RANBP2: variants seen among roughly 807,000 people sequenced by gnomAD.
RANBP2 encodes RAN binding protein 2.
Under a neutral mutation model 303.6 loss-of-function variants are expected in RANBP2, and 57 were observed. The observed-to-expected ratio is 0.19, with a 90% CI of 0.15 to 0.23. The LOEUF is 0.23. Among genes scored for constraint, RANBP2 ranks in the 10% least tolerant of loss-of-function variants. RANBP2 has a pLI of 1.00. For missense variants in RANBP2, 3,138 were observed against 3,780.8 expected, an observed-to-expected ratio of 0.83 and a Z score of 4.46; for synonymous variants, 1,167 against 1,301.5, an observed-to-expected ratio of 0.90 and a Z score of 2.23.
the RANBP2 span, among the ~76,000 whole-genome samples, chr2:108,799,467 G>A: frequency 6.6e-6 from 1 of 152,162 alleles, no homozygotes; most frequent in Admixed American, 6.6e-5. Flanking sequence ...CTTTCCTCCA[G>A]CCTCAGCCCT....
the RANBP2 span, among the ~76,000 whole-genome samples, chr2:109,534,229 G>T: frequency 3.3e-5 from 5 of 152,114 alleles, no homozygotes; most frequent in Admixed American, 2.6e-4. Flanking sequence ...AGAAATGCCT[G>T]GTTTTCTCAG....
At chr2:108,816,128 T>C in the RANBP2 span, 3 of 1,539,086 alleles carry the variant, frequency 1.9e-6, no homozygotes, top group South Asian at 2.3e-5. Context: ...ATTTGAAATA[T>C]GTGATTCAGA....
the RANBP2 span, among the ~76,000 whole-genome samples, chr2:109,301,443 G>C: frequency 6.6e-6 from 1 of 152,126 alleles, no homozygotes; most frequent in Non-Finnish European, 1.5e-5. Flanking sequence ...CTCCTCCGGG[G>C]ATTGCTGGCC....
the RANBP2 span, among the ~76,000 whole-genome samples, chr2:109,684,935 G>T: frequency 6.6e-6 from 1 of 151,516 alleles, no homozygotes; most frequent in South Asian, 2.1e-4. Context: ...GTGCAGTGGC[G>T]CAATCTCAGC....
At chr2:109,483,379 C>T in the RANBP2 span, among the ~76,000 whole-genome samples, 3 of 152,198 alleles carry the variant, frequency 2.0e-5, no homozygotes, top group African/African-American at 4.8e-5. Context: ...AGGTTCCAGC[C>T]TCACTCACTG....
chr2:108,863,350 A>G, the RANBP2 span, among the ~76,000 whole-genome samples: 10,981 of 152,262 alleles, frequency 0.072, 511 homozygotes, highest in South Asian at 0.15. Context: ...AGGAAATACA[A>G]TGGGAAGGTT....
chr2:109,618,732 ATG>A, the RANBP2 span: 1 of 167,060 alleles, frequency 6.0e-6, no homozygotes, highest in Non-Finnish European at 1.5e-5. Flanking sequence ...ATATGAGACT[ATG>A]TGGTTAAAAA....
the RANBP2 span, chr2:108,878,497 C>G: frequency 1.4e-5 from 3 of 215,920 alleles, no homozygotes; most frequent in Non-Finnish European, 3.0e-5. Context: ...CATATTTATG[C>G]TGTATCAAGG....
chr2:109,012,277 T>C, the RANBP2 span, among the ~76,000 whole-genome samples: 1 of 152,194 alleles, frequency 6.6e-6, no homozygotes. Context: ...GCCTGACTGC[T>C]AGTGGGCCAA....
the RANBP2 span, among the ~76,000 whole-genome samples, chr2:109,726,526 C>T: frequency 1.3e-5 from 2 of 152,238 alleles, no homozygotes; most frequent in South Asian, 4.1e-4. Flanking sequence ...AGGCAGGGTC[C>T]GTGTCGCAGA....
chr2:108,895,467 CA>C, the RANBP2 span: 1 of 152,352 alleles, frequency 6.6e-6, no homozygotes, highest in East Asian at 1.9e-4. Context: ...ATGCCAAGAA[CA>C]ATGCCAGTTT....
intron 28 of RANBP2, 103 bp downstream of exon 28, chr2:108,782,965 A>T: frequency 9.1e-7 from 1 of 1,093,310 alleles, no homozygotes; most frequent in African/African-American, 1.6e-5. Context: ...TAGTTTTGTT[A>T]AAGATTTCTT....
At chr2:109,044,214 T>A in the RANBP2 span, among the ~76,000 whole-genome samples, 1 of 152,152 alleles carries the variant, frequency 6.6e-6, no homozygotes, top group Non-Finnish European at 1.5e-5. Context: ...TTAATTAGAA[T>A]AGAAATTTTA....
At chr2:109,250,939 A>G in the RANBP2 span, among the ~76,000 whole-genome samples, 1 of 152,116 alleles carries the variant, frequency 6.6e-6, no homozygotes, top group Non-Finnish European at 1.5e-5. Flanking sequence ...TTTCTAAATT[A>G]ACGTTGTTTA....
chr2:108,970,518 C>T, the RANBP2 span, among the ~76,000 whole-genome samples: 1 of 152,008 alleles, frequency 6.6e-6, no homozygotes, highest in Non-Finnish European at 1.5e-5. Flanking sequence ...GGAGCTGGGG[C>T]CTCTGGACGG....
chr2:109,738,900 A>G, the RANBP2 span, among the ~76,000 whole-genome samples: 1 of 151,010 alleles, frequency 6.6e-6, no homozygotes. Flanking sequence ...CTTAAATTTA[A>G]GTCTTTAATC....
chr2:109,047,952 G>A, the RANBP2 span, among the ~76,000 whole-genome samples: 1 of 152,244 alleles, frequency 6.6e-6, no homozygotes, highest in African/African-American at 2.4e-5. Context: ...AGGCTGGCCT[G>A]TGGCCCCTCT....
the RANBP2 span, among the ~76,000 whole-genome samples, chr2:109,496,739 T>A: frequency 6.6e-6 from 1 of 152,086 alleles, no homozygotes; most frequent in South Asian, 2.1e-4. Flanking sequence ...GTCTATGCCC[T>A]AAACCCTAAA....
At chr2:109,270,026 A>G in the RANBP2 span, among the ~76,000 whole-genome samples, 1 of 152,208 alleles carries the variant, frequency 6.6e-6, no homozygotes, top group African/African-American at 2.4e-5. Context: ...ATAGATTGCG[A>G]TTGAAGCCAC....
Sources: gnomAD v4.1 joint callset for allele counts (sites outside exome capture counted in the v4.1 genomes callset) on GRCh38, gnomAD v4.1.1 for gene constraint, MANE v1.5 for transcripts, NCBI Gene and HGNC (gene_info 2026-07-23, HGNC 2026-07-21) for gene names.